The following ASCC3 variants were observed in gnomAD, a reference collection of about 807,000 sequenced individuals.
ASCC3 encodes activating signal cointegrator 1 complex subunit 3.
In ASCC3, 158 loss-of-function variants were observed where a neutral mutation model predicts 256.3. That is an observed-to-expected ratio of 0.62 (90% confidence interval 0.54 to 0.70). The LOEUF (loss-of-function observed/expected upper bound fraction) is 0.70. Ranked by LOEUF, ASCC3 falls within the 30% of genes least tolerant of loss-of-function variation. The pLI is 0.00. For missense variants in ASCC3, 2,259 were observed against 2,626.0 expected (o/e 0.86, Z 3.05); for synonymous variants, 948 against 883.4 (o/e 1.07, Z -1.30).
chr6:100,829,547 C>T (rs1771514205), intron 4 of ASCC3, among the ~76,000 whole-genome samples: 1 of 152,104 alleles, frequency 6.6e-6, no homozygotes, highest in Non-Finnish European at 1.5e-5. Context: ...CGCGTGCAGC[C>T]CTGGTTCCCG....
intron 14 of ASCC3, among the ~76,000 whole-genome samples, chr6:100,678,272 T>C (rs1267122063): frequency 6.6e-6 from 1 of 152,042 alleles, no homozygotes; most frequent in Non-Finnish European, 1.5e-5. Context: ...CAGCATAGAG[T>C]TGTTTTGTAC....
intron 13 of ASCC3, among the ~76,000 whole-genome samples, chr6:100,696,481 C>T (rs1427341969): frequency 6.6e-6 from 1 of 151,818 alleles, no homozygotes; most frequent in Non-Finnish European, 1.5e-5. Flanking sequence ...TGGTAGTAAC[C>T]TAACTTATTA....
intron 29 of ASCC3, among the ~76,000 whole-genome samples, chr6:100,627,141 C>T (rs574314585): frequency 6.6e-6 from 1 of 152,046 alleles, no homozygotes; most frequent in Admixed American, 6.6e-5. Flanking sequence ...AATAGGAGTG[C>T]TATTCTTAAA....
intron 25 of ASCC3, among the ~76,000 whole-genome samples, chr6:100,635,611 ATT>A (rs1484705571): frequency 6.6e-6 from 1 of 152,174 alleles, no homozygotes; most frequent in African/African-American, 2.4e-5. Context: ...AAAGATAACT[ATT>A]TGAAGTGATA....
At chr6:100,854,844 T>C (rs763008927) in intron 3 of ASCC3, among the ~76,000 whole-genome samples, 2 of 152,088 alleles carry the variant, frequency 1.3e-5, no homozygotes, top group Non-Finnish European at 2.9e-5. Context: ...ATCATATAGC[T>C]CACTGAGATT....
intron 34 of ASCC3, among the ~76,000 whole-genome samples, chr6:100,590,476 T>C (rs1771949121): frequency 6.6e-6 from 1 of 152,150 alleles, no homozygotes; most frequent in Non-Finnish European, 1.5e-5. Context: ...TAGGGATCTG[T>C]GCCTGGAAAC....
rs537124243 is a variant in ASCC3, at chr6:100,760,629, G to A, written c.1737+5936C>T. On this transcript the variant is annotated intron_variant, in intron 10 of 41. Transcript: ENST00000369162. The stretch of plus-strand genomic sequence containing the variant: ...ATAGAAATGTCTCAGCAAGGAAATA[G>A]AAGATAGTTTTAAAGCCTAATAGAA... Among the ~76,000 whole-genome samples, 17 of 152,268 alleles carry A rather than the reference G, an allele frequency of 1.1e-4. 1 individual carries two copies. Among genetic ancestry groups the A allele is most frequent in the Admixed American group, 9.8e-4 (15 of 15,296 alleles).
At chr6:100,535,466 GTTTTTT>G (rs34575315) in intron 37 of ASCC3, among the ~76,000 whole-genome samples, 1 of 98,626 alleles carries the variant, frequency 1.0e-5, no homozygotes, top group Non-Finnish European at 1.9e-5. Context: ...TGGTTTTCGT[GTTTTTT>G]TTTTTTTTTT....
chr6:100,723,941 C>T (rs1308676671), intron 11 of ASCC3, among the ~76,000 whole-genome samples: 5 of 136,390 alleles, frequency 3.7e-5, no homozygotes, highest in Non-Finnish European at 4.7e-5. Flanking sequence ...TATATATATA[C>T]ACACACACAT....
intron 30 of ASCC3, among the ~76,000 whole-genome samples, chr6:100,608,097 C>CATATATATGTATATATATATGTATATAT (rs1391815541): frequency 2.2e-5 from 1 of 45,026 alleles, no homozygotes; most frequent in Non-Finnish European, 4.1e-5. Context: ...TATCTATATA[C>CATATATATGTATATATATATGTATATAT]ACATATATAT....
chr6:100,512,655 G>A, intron 40 of ASCC3, 54 bp downstream of exon 40: 2 of 1,525,830 alleles, frequency 1.3e-6, no homozygotes, highest in Non-Finnish European at 1.8e-6. Context: ...ATGTGTGGTG[G>A]TGCATGCTGG....
intron 34 of ASCC3, among the ~76,000 whole-genome samples, chr6:100,595,464 ATTTAC>A (rs1772244207): frequency 6.6e-6 from 1 of 152,302 alleles, no homozygotes; most frequent in South Asian, 2.1e-4. Flanking sequence ...AATTGTCAAA[ATTTAC>A]TTAGGCACAT....
rs911039579 is a variant in ASCC3, at chr6:100,801,518, C to T, written c.923-1014G>A. ...AAGTCAAATCTTCACAATTCTCAGA[C>T]AGTTGTTACTGCCCCATTACATAAT... is the stretch of plus-strand genomic sequence containing the variant. On this transcript the variant is annotated intron_variant, in intron 5 of 41. Coordinates refer to ENST00000369162, the MANE Select transcript of ASCC3 (RefSeq NM_006828.4). 3.3e-5 allele frequency among the ~76,000 whole-genome samples: 5 copies of T among 152,042 alleles called. No homozygotes were observed. In the East Asian group the frequency reaches 5.8e-4, roughly 18 times the overall value.
chr6:100,858,337 A>C, intron 3 of ASCC3: 1 of 315,716 alleles, frequency 3.2e-6, no homozygotes, highest in Non-Finnish European at 4.6e-6. Context: ...ATATTATGTT[A>C]GCAAGGATTT....
chr6:100,653,903 T>G (rs148923055), intron 17 of ASCC3, among the ~76,000 whole-genome samples: 17 of 152,144 alleles, frequency 1.1e-4, no homozygotes, highest in Admixed American at 5.9e-4. Context: ...AGGAGTAAAG[T>G]GAAATATGAC....
intron 36 of ASCC3, among the ~76,000 whole-genome samples, chr6:100,565,910 C>T (rs546418839): frequency 2.0e-5 from 3 of 152,180 alleles, no homozygotes; most frequent in East Asian, 3.9e-4. Flanking sequence ...AGTCACAAGA[C>T]TGTGTACTTT....
At chr6:100,646,153 A>G (rs1775369558) in intron 22 of ASCC3, among the ~76,000 whole-genome samples, 1 of 152,194 alleles carries the variant, frequency 6.6e-6, no homozygotes, top group African/African-American at 2.4e-5. Flanking sequence ...GAACTAATAT[A>G]GCAAAATCTC....
intron 36 of ASCC3, among the ~76,000 whole-genome samples, chr6:100,563,368 C>T (rs1306675274): frequency 1.3e-5 from 2 of 151,998 alleles, no homozygotes; most frequent in African/African-American, 4.8e-5. Context: ...TTTATTTTGG[C>T]GTATACTATA....
chr6:100,532,925 T>C (rs1774986399), intron 37 of ASCC3, among the ~76,000 whole-genome samples: 1 of 152,164 alleles, frequency 6.6e-6, no homozygotes, highest in Non-Finnish European at 1.5e-5. Flanking sequence ...GATTTCATTT[T>C]TGTAAATATA....
Sources: gnomAD v4.1 joint callset for allele counts (sites outside exome capture counted in the v4.1 genomes callset) on GRCh38, gnomAD v4.1.1 for gene constraint, MANE v1.5 for transcripts, NCBI Gene and HGNC (gene_info 2026-07-23, HGNC 2026-07-21) for gene names.